Variants in IL20RB observed in about 807,000 individuals in gnomAD.
IL20RB encodes interleukin-20 receptor subunit beta.
Under a neutral mutation model 33.3 loss-of-function variants are expected in IL20RB, and 21 were observed. That is an observed-to-expected ratio of 0.63 (90% CI 0.45 to 0.91). The LOEUF (loss-of-function observed/expected upper bound fraction) is 0.91, where lower values mean the gene tolerates loss of function less well. IL20RB is among the 40% of genes least tolerant of loss of function. IL20RB has a pLI of 0.00. For synonymous variants in IL20RB, 147 were observed against 146.8 expected (o/e 1.00, Z -0.01); for missense variants, 345 against 384.8 (o/e 0.90, Z 0.86).
intron 1 of IL20RB, among the ~76,000 whole-genome samples, chr3:136,962,331 C>T (rs1009659689): frequency 2.6e-5 from 4 of 152,162 alleles, no homozygotes; most frequent in African/African-American, 4.8e-5. Flanking sequence ...AGTAATAAGA[C>T]GTATTGATAT....
chr3:136,998,265 T>C (rs1366107299), intron 6 of IL20RB, among the ~76,000 whole-genome samples: 1 of 151,844 alleles, frequency 6.6e-6, no homozygotes, highest in African/African-American at 2.4e-5. Context: ...TCCTAAGAGT[T>C]ACAATATACA....
intron 1 of IL20RB, among the ~76,000 whole-genome samples, chr3:136,978,538 T>C (rs1301749985): frequency 6.6e-6 from 1 of 152,208 alleles, no homozygotes; most frequent in Admixed American, 6.5e-5. Flanking sequence ...TGATATGATT[T>C]ATGATTTTAT....
At chr3:136,971,040 G>T (rs1402283700) in intron 1 of IL20RB, among the ~76,000 whole-genome samples, 1 of 152,182 alleles carries the variant, frequency 6.6e-6, no homozygotes, top group Non-Finnish European at 1.5e-5. Flanking sequence ...GGGTACTTAG[G>T]AGAGTCATCA....
chr3:136,979,388 T>A (rs895887829), intron 1 of IL20RB, among the ~76,000 whole-genome samples: 1 of 152,150 alleles, frequency 6.6e-6, no homozygotes, highest in African/African-American at 2.4e-5. Context: ...GGCACAGAGA[T>A]GAAAAGTCCC....
intron 1 of IL20RB, among the ~76,000 whole-genome samples, chr3:136,959,772 C>T (rs1941167843): frequency 6.6e-6 from 1 of 152,130 alleles, no homozygotes; most frequent in South Asian, 2.1e-4. Context: ...GATGTCATAG[C>T]CAGAAAGACC....
chr3:136,997,710 A>G (rs1388584478), intron 6 of IL20RB, among the ~76,000 whole-genome samples: 1 of 151,050 alleles, frequency 6.6e-6, no homozygotes, highest in Non-Finnish European at 1.5e-5. Flanking sequence ...CTTTTCTGTT[A>G]TAATTATTTT....
At chr3:136,958,680 C>G (rs879190716) in intron 1 of IL20RB, among the ~76,000 whole-genome samples, 3 of 152,144 alleles carry the variant, frequency 2.0e-5, no homozygotes, top group Non-Finnish European at 4.4e-5. Context: ...AAAAGGTACT[C>G]CATAGCATTC....
chr3:137,007,175 G>A (rs1326876922), intron 6 of IL20RB, among the ~76,000 whole-genome samples: 1 of 152,050 alleles, frequency 6.6e-6, no homozygotes, highest in African/African-American at 2.4e-5. Context: ...TCGCAGAGGG[G>A]CACCTGCCTG....
chr3:136,991,366 T>C (rs1942027149), intron 4 of IL20RB, among the ~76,000 whole-genome samples: 1 of 152,190 alleles, frequency 6.6e-6, no homozygotes, highest in Non-Finnish European at 1.5e-5. Context: ...TTTCACCCCA[T>C]GTAAGCCCCA....
intron 6 of IL20RB, among the ~76,000 whole-genome samples, chr3:137,002,109 C>CT (rs1188755721): frequency 6.6e-6 from 1 of 152,056 alleles, no homozygotes; most frequent in Non-Finnish European, 1.5e-5. Context: ...TGAACTTGTC[C>CT]TTTTTTATGG....
Position 136,973,075 on chromosome 3 carries a change from T to C in IL20RB, c.89-7391T>C, listed in dbSNP as rs548994150. 1.6e-4 allele frequency among the ~76,000 whole-genome samples: 25 copies of C among 152,296 alleles called. No homozygotes were observed. The South Asian group carries it at 1.7e-3, about 10-fold the overall frequency. On this transcript the variant is annotated intron_variant, in intron 1 of 6. Transcript: ENST00000329582. The stretch of plus-strand genomic sequence containing the variant: ...CAATGGTCATTCAAGATCATGTTGT[T>C]TAATTTCCATGTACTTAAACTGGAC...
At chr3:136,971,249 G>A (rs1373532732) in intron 1 of IL20RB, among the ~76,000 whole-genome samples, 1 of 152,098 alleles carries the variant, frequency 6.6e-6, no homozygotes, top group African/African-American at 2.4e-5. Context: ...TCCCGCCTCA[G>A]CCTCCCAAGT....
rs548250635 is a variant in IL20RB at position 136,971,093 on chromosome 3, C to G, written c.89-9373C>G. On this transcript the variant is annotated intron_variant, in intron 1 of 6. Transcript: ENST00000329582. ...TTTGTTGACTATAGATAACCCTAGT[C>G]TGCTATCAGGTATTGAATTTATTCC... Among the ~76,000 whole-genome samples the G allele has an allele frequency of 1.1e-4, 17 of 152,280 alleles. No individual in the cohort carries two copies. In the South Asian group the frequency reaches 2.5e-3, roughly 22 times the overall value.
intron 6 of IL20RB, among the ~76,000 whole-genome samples, chr3:137,009,828 AT>A (rs971040522): frequency 2.0e-5 from 3 of 149,868 alleles, no homozygotes; most frequent in Non-Finnish European, 3.0e-5. Context: ...CCTGCCTTTA[AT>A]TTTTTTTTTA....
chr3:136,997,805 A>G (rs361230), intron 6 of IL20RB, among the ~76,000 whole-genome samples: 149,813 of 151,700 alleles, frequency 0.99, 73,997 homozygotes, highest in South Asian at 1. Flanking sequence ...ACGGAGTCCC[A>G]CCCTGTCACC....
At chr3:136,986,851 G>C (rs1941912477) in intron 3 of IL20RB, 1 of 428,904 alleles carries the variant, frequency 2.3e-6, no homozygotes. Context: ...GATGTGTTCA[G>C]AGTTTCTTCC....
intron 1 of IL20RB, among the ~76,000 whole-genome samples, chr3:136,972,666 TA>T (rs1490891623): frequency 6.6e-6 from 1 of 152,134 alleles, no homozygotes; most frequent in Non-Finnish European, 1.5e-5. Flanking sequence ...TGATATTCTT[TA>T]TTTGGGTTTC....
At chr3:136,959,200 C>G (rs1560062644) in intron 1 of IL20RB, 1 of 152,220 alleles carries the variant, frequency 6.6e-6, no homozygotes, top group Non-Finnish European at 1.5e-5. Flanking sequence ...CCCTATTTCT[C>G]ACTACTCCTT....
chr3:136,958,477 TATCTC>T (rs1180282498), intron 1 of IL20RB, among the ~76,000 whole-genome samples: 3 of 152,248 alleles, frequency 2.0e-5, no homozygotes, highest in South Asian at 2.1e-4. Context: ...CTTTGTTACT[TATCTC>T]ATCGTCTGGT....
Sources: allele counts gnomAD v4.1 joint callset (sites outside exome capture counted in the v4.1 genomes callset), GRCh38; gene constraint gnomAD v4.1.1; transcripts MANE v1.5; gene names NCBI Gene and HGNC (gene_info 2026-07-23, HGNC 2026-07-21).